DLGAP1: variants seen among roughly 807,000 people sequenced by gnomAD.
The protein encoded by DLGAP1 is DLG associated protein 1.
A neutral mutation model predicts 90.8 loss-of-function variants in DLGAP1; 11 were observed. The ratio of observed to expected loss-of-function variants is 0.12; its 90% CI spans 0.08 to 0.20. The LOEUF is 0.20. Among genes scored for constraint, DLGAP1 ranks in the 10% least tolerant of loss-of-function variants. DLGAP1 has a pLI of 1.00. For synonymous variants in DLGAP1, 558 were observed against 540.7 expected (o/e 1.03, Z -0.44); for missense variants, 1,050 against 1,333.8 (o/e 0.79, Z 3.31).
At chr18:3,737,185 C>A (rs1233593318) in intron 6 of DLGAP1, among the ~76,000 whole-genome samples, 1 of 149,636 alleles carries the variant, frequency 6.7e-6, no homozygotes, top group East Asian at 2.0e-4. Context: ...CGAATTCTAC[C>A]AGAGGTACAA....
rs1183137698 is a variant in DLGAP1 at position 4,005,375 on chromosome 18, A to C, written c.-158-174T>G. ...TTATTATGTCTAATTACTTAAACTGAAAAGGTCTAAGACTGAATTCACTTT... is the reference window on the plus strand; with the variant it reads ...TTATTATGTCTAATTACTTAAACTGCAAAGGTCTAAGACTGAATTCACTTT... On this transcript the variant is annotated intron_variant, in intron 2 of 12. Coordinates refer to ENST00000315677, the MANE Select transcript of DLGAP1 (RefSeq NM_004746.4). 3 of 152,348 alleles carry C rather than the reference A, an allele frequency of 2.0e-5. No individual in the cohort carries two copies. In the East Asian group the frequency reaches 5.8e-4, roughly 29 times the overall value. 9.4% of individuals were successfully genotyped at this position (152,348 alleles called of 1,614,324 possible).
At chr18:3,772,344 C>CTT (rs2064659708) in intron 5 of DLGAP1, among the ~76,000 whole-genome samples, 7 of 15,240 alleles carry the variant, frequency 4.6e-4, no homozygotes, top group East Asian at 3.8e-3. Context: ...CTCTCTCTCT[C>CTT]TCTCTTTCTT....
chr18:3,877,645 T>C (rs117041134), intron 4 of DLGAP1, among the ~76,000 whole-genome samples: 2,733 of 152,298 alleles, frequency 0.018, 32 homozygotes, highest in Middle Eastern at 0.031. Flanking sequence ...GAGCTTTCGG[T>C]TGCAACTTTC....
chr18:4,125,324 G>GA (rs1302696831), intron 2 of DLGAP1, among the ~76,000 whole-genome samples: 2 of 152,214 alleles, frequency 1.3e-5, no homozygotes, highest in African/African-American at 4.8e-5. Flanking sequence ...GAAGTGGGGG[G>GA]GCTACAGGAG....
In DLGAP1 at chr18:4,399,474, A is replaced by C. The variant is rs1177493273; in HGVS notation, c.-267+55532T>G. Among the ~76,000 whole-genome samples the C allele has an allele frequency of 2.6e-5, 4 of 152,346 alleles. No homozygotes were observed. In the East Asian group the frequency reaches 7.7e-4, roughly 29 times the overall value. On this transcript the variant is annotated intron_variant, in intron 1 of 12. Transcript: ENST00000315677. ...GATGAAACTGAGCGTCAGAACGCTT[A>C]TCTGTCCAAAATTAAACAGCTAATG...
chr18:4,161,857 T>C (rs1203559481), intron 1 of DLGAP1, among the ~76,000 whole-genome samples: 1 of 152,156 alleles, frequency 6.6e-6, no homozygotes, highest in East Asian at 1.9e-4. Context: ...TATAATCATT[T>C]CATATATAAG....
intron 7 of DLGAP1, among the ~76,000 whole-genome samples, chr18:3,615,008 G>A (rs914830351): frequency 0.029 from 3 of 104 alleles, no homozygotes; most frequent in East Asian, 0.25. Context: ...CGCAACCTCC[G>A]CCTCCAGGTT....
chr18:3,835,552 G>A (rs2068321292), intron 4 of DLGAP1, among the ~76,000 whole-genome samples: 1 of 151,802 alleles, frequency 6.6e-6, no homozygotes, highest in South Asian at 2.1e-4. Flanking sequence ...GGGAGGCTGA[G>A]GCAGGAGAAT....
chr18:3,505,531 G>A (rs1322916053), intron 11 of DLGAP1, among the ~76,000 whole-genome samples: 2 of 151,206 alleles, frequency 1.3e-5, no homozygotes, highest in East Asian at 1.9e-4. Context: ...CCAGCTACTC[G>A]GGAGGCTGAG....
At chr18:3,911,447 A>G (rs982147322) in intron 3 of DLGAP1, among the ~76,000 whole-genome samples, 4 of 152,200 alleles carry the variant, frequency 2.6e-5, no homozygotes, top group African/African-American at 9.6e-5. Flanking sequence ...TGGAACTTTC[A>G]TTTTATATGA....
chr18:4,218,571 C>T (rs752594209), intron 1 of DLGAP1, among the ~76,000 whole-genome samples: 3 of 151,794 alleles, frequency 2.0e-5, no homozygotes, highest in Non-Finnish European at 4.4e-5. Context: ...CTTATTCCTC[C>T]GATCTAAATT....
At chr18:4,171,160 C>T (rs557129199) in intron 1 of DLGAP1, among the ~76,000 whole-genome samples, 2 of 152,148 alleles carry the variant, frequency 1.3e-5, no homozygotes, top group African/African-American at 4.8e-5. Flanking sequence ...CTGAAAAGTA[C>T]GATATAAATA....
At chr18:3,647,119 T>C (rs2059150517) in intron 7 of DLGAP1, among the ~76,000 whole-genome samples, 1 of 151,686 alleles carries the variant, frequency 6.6e-6, no homozygotes, top group African/African-American at 2.4e-5. Flanking sequence ...ATAGGTATGG[T>C]GGCTTATGGC....
At position 4,051,078 on chromosome 18, in the gene DLGAP1, T is replaced by A. The variant is rs117795052; in HGVS notation, c.-158-45877A>T. ...GACTTTTATTTTCCCAAACAGTTTG[T>A]GTGTTTGAAACTGCAGTTGTTTCTT... is the stretch of plus-strand genomic sequence containing the variant. On this transcript the variant is annotated intron_variant, in intron 2 of 12. Coordinates refer to ENST00000315677, the MANE Select transcript of DLGAP1 (RefSeq NM_004746.4). Among the ~76,000 whole-genome samples the A allele has an allele frequency of 5.4e-4, 82 of 152,330 alleles. No individual in the cohort carries two copies. In the East Asian group the frequency reaches 0.013, roughly 24 times the overall value.
intron 3 of DLGAP1, among the ~76,000 whole-genome samples, chr18:3,894,495 T>G (rs190241632): frequency 1.6e-3 from 250 of 152,304 alleles, no homozygotes; most frequent in African/African-American, 5.8e-3. Flanking sequence ...TGTTTTTGTT[T>G]ACTTTGTCAA....
intron 2 of DLGAP1, among the ~76,000 whole-genome samples, chr18:4,095,858 A>G (rs1273787463): frequency 6.6e-6 from 1 of 152,162 alleles, no homozygotes; most frequent in Admixed American, 6.5e-5. Context: ...CCCCGAGAAC[A>G]TAAGTGCCTC....
At chr18:4,059,582 A>C (rs2075270701) in intron 2 of DLGAP1, among the ~76,000 whole-genome samples, 1 of 152,082 alleles carries the variant, frequency 6.6e-6, no homozygotes, top group South Asian at 2.1e-4. Flanking sequence ...GTGGTGGTGC[A>C]TGCCTGTAAT....
intron 3 of DLGAP1, among the ~76,000 whole-genome samples, chr18:3,897,778 ATTTTTTTTT>A (rs869170460): frequency 1.8e-4 from 17 of 94,502 alleles, no homozygotes; most frequent in Admixed American, 6.7e-4. Context: ...CGAATTTCTG[ATTTTTTTTT>A]TTTTTTTTTT....
At chr18:3,516,173 G>A (rs1225381571) in intron 10 of DLGAP1, among the ~76,000 whole-genome samples, 1 of 151,742 alleles carries the variant, frequency 6.6e-6, no homozygotes, top group East Asian at 1.9e-4. Context: ...AATCATAAAT[G>A]TTCTTAATGG....
Sources: gnomAD v4.1 joint callset for allele counts (sites outside exome capture counted in the v4.1 genomes callset) on GRCh38, gnomAD v4.1.1 for gene constraint, MANE v1.5 for transcripts, NCBI Gene and HGNC (gene_info 2026-07-23, HGNC 2026-07-21) for gene names.